Variants in KDM5A observed in about 807,000 individuals in gnomAD.
KDM5A encodes the protein lysine-specific demethylase 5A.
In KDM5A, 42 loss-of-function variants were observed where a neutral mutation model predicts 193.5. The observed-to-expected ratio is 0.22, with a 90% CI of 0.17 to 0.28. The LOEUF is 0.28. Ranked by LOEUF, KDM5A falls within the 10% of genes least tolerant of loss-of-function variation. The pLI is 1.00. For missense variants in KDM5A, 1,692 were observed against 2,055.1 expected (o/e 0.82, Z 3.42); for synonymous variants, 796 against 718.1 (o/e 1.11, Z -1.73).
At chr12:370,001 C>T (rs554162879) in intron 3 of KDM5A, among the ~76,000 whole-genome samples, 46 of 152,200 alleles carry the variant, frequency 3.0e-4, no homozygotes, top group African/African-American at 6.8e-4. Flanking sequence ...TTTGGCTCCA[C>T]GCATACAATA....
In KDM5A at chr12:388,981, G is replaced by A. The variant is rs748974858; in HGVS notation, c.111C>T (p.Gly37=). The A allele has an allele frequency of 6.2e-7, 1 of 1,614,194 alleles. No homozygotes were observed. The highest frequency in any genetic ancestry group is 1.1e-5 in the South Asian group (1 of 91,086). The change falls in exon 1 of 28, where the codon GGC becomes GGT. Residue 37 remains glycine (G), a synonymous_variant. Transcript: ENST00000399788. ...TTTTCTCCGCCAAAGGCCGGATGCGGCCGATAAAGCTGAGCGGATCTGTGA... is the reference window on the plus strand; with the variant it reads ...TTTTCTCCGCCAAAGGCCGGATGCGACCGATAAAGCTGAGCGGATCTGTGA... ...EEFTDPLSFI[G]RIRPLAEKTG...
chr12:356,447 T>C lies in KDM5A; in HGVS notation c.763A>G (p.Thr255Ala). Residue 255 changes from threonine to alanine, a missense_variant, in exon 6 of 28, where the codon ACA becomes GCA. This residue lies in a region of KDM5A where 134 missense variants were observed against 124.2 expected (regional missense o/e 1.08). Coordinates refer to ENST00000399788, the MANE Select transcript of KDM5A (RefSeq NM_001042603.3). Reference protein sequence around the residue: ...GPKVVGLAMGTKDKEDEVTRR... With the variant: ...GPKVVGLAMGAKDKEDEVTRR... ...CAAATTTTACCTTCTTTATCTTTTG[T>C]TCCCATTGCCAAGCCCACAACCTTG... 2 of 1,606,700 alleles carry C rather than the reference T, an allele frequency of 1.2e-6. No individual in the cohort carries two copies. The highest frequency in any genetic ancestry group is 3.3e-5 in the Admixed American group (2 of 60,016).
intron 25 of KDM5A, among the ~76,000 whole-genome samples, chr12:296,308 C>G (rs2284333): frequency 0.35 from 51,184 of 145,830 alleles, 9,403 homozygotes; most frequent in East Asian, 0.58. Context: ...GGCAACAAGA[C>G]AGAAACTCCA....
In KDM5A at chr12:323,210, CAAAAAAAAAAAA is replaced by C. The variant is rs60377454; in HGVS notation, c.2151-16_2151-5del. On this transcript the variant is annotated splice_polypyrimidine_tract_variant and splice_region_variant and intron_variant, in intron 15 of 27. Coordinates refer to ENST00000399788, the MANE Select transcript of KDM5A (RefSeq NM_001042603.3). Reference sequence around the variant, plus strand: ...GTCTTCTAATGGGTAGCGATATCTACAAAAAAAAAAAAAAAAAAAAAAAAAAAAAGAAAACAG... The same window carrying C: ...GTCTTCTAATGGGTAGCGATATCTACAAAAAAAAAAAAAAAAAGAAAACAG... 1,080 of 297,050 alleles carry C rather than the reference CAAAAAAAAAAAA, an allele frequency of 3.6e-3. 2 individuals carry two copies. In the East Asian group the frequency reaches 0.056, roughly 15 times the overall value. 18.4% of individuals were successfully genotyped at this position (297,050 alleles called of 1,614,324 possible). A position where few individuals can be genotyped will look rare whatever the true frequency, so the allele number is the denominator to read the frequency against.
chr12:306,800 T>C (rs1451493252), intron 24 of KDM5A, 146 bp downstream of exon 24: 3 of 872,064 alleles, frequency 3.4e-6, no homozygotes, highest in Non-Finnish European at 5.4e-6. Context: ...TTTGAAAAAA[T>C]GCTACGACTA....
intron 19 of KDM5A, among the ~76,000 whole-genome samples, chr12:314,296 A>G (rs2137398548): frequency 6.6e-6 from 1 of 152,250 alleles, no homozygotes; most frequent in East Asian, 1.9e-4. Context: ...CCTAGGTTCA[A>G]ACGATTCTCA....
At position 356,324 on chromosome 12, in the gene KDM5A, A is replaced by G. The variant is rs907355614; in HGVS notation, c.778+108T>C. 10 of 768,262 alleles carry G rather than the reference A, an allele frequency of 1.3e-5. No homozygotes were observed. The African/African-American group carries it at 1.7e-4, about 13-fold the overall frequency. 47.6% of individuals were successfully genotyped at this position (768,262 alleles called of 1,614,324 possible). On this transcript the variant is annotated intron_variant, in intron 6 of 27. Coordinates refer to ENST00000399788, the MANE Select transcript of KDM5A (RefSeq NM_001042603.3). The stretch of plus-strand genomic sequence containing the variant: ...TGCCTAGGAACCACATTGCGATTTT[A>G]CAATTCTTAAGAAATTCCCAGCACA...
chr12:287,388 A>G (rs1388376366), intron 27 of KDM5A, among the ~76,000 whole-genome samples: 1 of 152,050 alleles, frequency 6.6e-6, no homozygotes, highest in Non-Finnish European at 1.5e-5. Flanking sequence ...CAACTTAACA[A>G]TACCTTCCTA....
chr12:313,119 C>T lies in KDM5A; in HGVS notation c.2973G>A (p.Val991=). Residue 991 remains valine (V), a synonymous_variant, in exon 20 of 28, where the codon GTG becomes GTA. Transcript: ENST00000399788. ...TTTGTAAGGCTTCTTTCAAGGACAA[C>T]ACATTGGGTAGAAAGGCTGGAATGT... ...AKNIPAFLPN[V]LSLKEALQKA... The T allele has an allele frequency of 2.5e-6, 4 of 1,614,134 alleles. No individual in the cohort carries two copies. Among genetic ancestry groups the T allele is most frequent in the Non-Finnish European group, 3.4e-6 (4 of 1,179,988 alleles).
intron 12 of KDM5A, 30 bp from the exon 13 acceptor site, chr12:331,968 A>G (rs1943871278): frequency 1.3e-6 from 2 of 1,598,866 alleles, no homozygotes; most frequent in African/African-American, 1.3e-5. Flanking sequence ...AGGGATACAA[A>G]AATAAAAAAT....
chr12:319,753 C>CAA (rs1473125440), intron 18 of KDM5A, among the ~76,000 whole-genome samples: 1 of 147,886 alleles, frequency 6.8e-6, no homozygotes, highest in African/African-American at 2.5e-5. Flanking sequence ...GACGCTGTCT[C>CAA]AAAAAGAAAA....
At chr12:384,005 A>G in intron 3 of KDM5A, 26 bp downstream of exon 3, 1 of 1,610,818 alleles carries the variant, frequency 6.2e-7, no homozygotes, top group Non-Finnish European at 8.5e-7. Context: ...CCTGTGCTCT[A>G]ATTTCTAAAC....
intron 10 of KDM5A, among the ~76,000 whole-genome samples, chr12:341,342 A>T (rs1372665287): frequency 1.3e-5 from 2 of 152,174 alleles, no homozygotes; most frequent in African/African-American, 2.4e-5. Flanking sequence ...TTCCTATAAA[A>T]ACCATCCCCA....
intron 20 of KDM5A, among the ~76,000 whole-genome samples, chr12:312,615 A>G (rs1425795925): frequency 4.6e-5 from 7 of 152,254 alleles, no homozygotes; most frequent in African/African-American, 1.4e-4. Flanking sequence ...GAACTTTACT[A>G]GAATTATTTT....
Position 382,729 on chromosome 12 carries a change from C to T in KDM5A, c.366+1302G>A, listed in dbSNP as rs141721732. ...TGAGCGGATCACGAGGTCAGAAGTT[C>T]GAGACCAGCCTGACTAAGATAGTGA... On this transcript the variant is annotated intron_variant, in intron 3 of 27. Coordinates refer to ENST00000399788, the MANE Select transcript of KDM5A (RefSeq NM_001042603.3). Among the ~76,000 whole-genome samples, 20 of 152,128 alleles carry T rather than the reference C, an allele frequency of 1.3e-4. No individual in the cohort carries two copies. The East Asian group carries it at 3.9e-3, about 29-fold the overall frequency.
chr12:284,754 TCTC>T lies in KDM5A; in HGVS notation c.*699_*701del, dbSNP rs1943198714. 3.0e-5 allele frequency: 7 copies of T among 233,098 alleles called. No homozygotes were observed. In the East Asian group the frequency reaches 3.6e-4, roughly 12 times the overall value. The allele number at this position is 233,098 out of a possible 1,614,324, so 14.4% of individuals were successfully genotyped here. On this transcript the variant is annotated 3_prime_UTR_variant, in exon 28 of 28. Transcript: ENST00000399788. ...GGCTCCTTGCCTTGTAGTAGGTTCT[TCTC>T]CTCAGAATCCAATCTAGTCAGATTT...
In KDM5A at chr12:333,490, C is replaced by A. The variant is rs774712204; in HGVS notation, c.1650G>T (p.Val550=). 2.5e-6 allele frequency: 4 copies of A among 1,613,930 alleles called. No individual in the cohort carries two copies. The highest frequency in any genetic ancestry group is 2.7e-5 in the African/African-American group (2 of 74,910). Residue 550 remains valine (V), a synonymous_variant, in exon 12 of 28, where the codon GTG becomes GTT. Coordinates refer to ENST00000399788, the MANE Select transcript of KDM5A (RefSeq NM_001042603.3). Reference sequence around the variant, plus strand: ...AGGAAGACACCAAAAGACTCACAGGCACACCATGCTCCATTAGCACGTTGG... The same window carrying A: ...AGGAAGACACCAAAAGACTCACAGGAACACCATGCTCCATTAGCACGTTGG... ...MNPNVLMEHG[V]PVYRTNQCAG... is the part of the protein sequence containing the mutation.
rs1405931906 is a variant in KDM5A at position 389,303 on chromosome 12, G to C, written c.-212C>G. Reference sequence around the variant, plus strand: ...TTCCACTGAGGTTCAGGACTTTTCCGGAAGTTACCGTGCTGTCAAATCCCT... The same window carrying C: ...TTCCACTGAGGTTCAGGACTTTTCCCGAAGTTACCGTGCTGTCAAATCCCT... On this transcript the variant is annotated 5_prime_UTR_variant, in exon 1 of 28. Transcript: ENST00000399788. 1 of 686,376 alleles carries C rather than the reference G, an allele frequency of 1.5e-6. No homozygotes were observed. Among genetic ancestry groups the C allele is most frequent in the Non-Finnish European group, 2.7e-6 (1 of 376,962 alleles). The allele number at this position is 686,376 out of a possible 1,614,324, so 42.5% of individuals were successfully genotyped here. A position where few individuals can be genotyped will look rare whatever the true frequency, so the allele number is the denominator to read the frequency against.
chr12:366,925 T>C (rs1359404073), intron 3 of KDM5A, among the ~76,000 whole-genome samples: 1 of 152,210 alleles, frequency 6.6e-6, no homozygotes, highest in Non-Finnish European at 1.5e-5. Flanking sequence ...AACCTTTGTG[T>C]TTAGATACAT....
Sources: gnomAD v4.1 joint callset for allele counts (sites outside exome capture counted in the v4.1 genomes callset) on GRCh38, gnomAD v4.1.1 for gene constraint, gnomAD v4.1.1 regional missense constraint, MANE v1.5 for transcripts, NCBI Gene and HGNC (gene_info 2026-07-23, HGNC 2026-07-21) for gene names.